The following SLC28A3 variants were observed in gnomAD, a reference collection of about 807,000 sequenced individuals.
SLC28A3 encodes the protein concentrative Na(+)-nucleoside cotransporter 3.
Under a neutral mutation model 84.2 loss-of-function variants are expected in SLC28A3, and 68 were observed. The ratio of observed to expected loss-of-function variants is 0.81; its 90% CI spans 0.66 to 0.99. SLC28A3 has a LOEUF of 0.99. Among genes scored for constraint, SLC28A3 ranks in the 50% least tolerant of loss-of-function variants. The pLI is 0.00. For synonymous variants in SLC28A3, 267 were observed against 303.6 expected, an observed-to-expected ratio of 0.88 and a Z score of 1.25; for missense variants, 712 against 841.5, an observed-to-expected ratio of 0.85 and a Z score of 1.90.
At chr9:84,302,677 C>T (rs1465575510) in intron 4 of SLC28A3, among the ~76,000 whole-genome samples, 1 of 152,066 alleles carries the variant, frequency 6.6e-6, no homozygotes, top group African/African-American at 2.4e-5. Context: ...ATCATTGGGC[C>T]TCTAAGTACT....
At chr9:84,322,796 C>T (rs1333761987) in intron 1 of SLC28A3, among the ~76,000 whole-genome samples, 1 of 151,902 alleles carries the variant, frequency 6.6e-6, no homozygotes, top group African/African-American at 2.4e-5. Context: ...CCAAGATTGT[C>T]CACTGCACTC....
At chr9:84,315,019 G>A (rs1826121858) in intron 1 of SLC28A3, among the ~76,000 whole-genome samples, 1 of 152,172 alleles carries the variant, frequency 6.6e-6, no homozygotes, top group Non-Finnish European at 1.5e-5. Flanking sequence ...AGAGGTTGCA[G>A]TGAGCTGAGA....
intron 1 of SLC28A3, among the ~76,000 whole-genome samples, chr9:84,317,532 C>A (rs566220888): frequency 1.3e-5 from 2 of 152,276 alleles, no homozygotes; most frequent in African/African-American, 4.8e-5. Context: ...TCAGCCTCTC[C>A]CTGGCACTGT....
chr9:84,346,661 A>G, the SLC28A3 span, among the ~76,000 whole-genome samples: 2 of 152,226 alleles, frequency 1.3e-5, no homozygotes, highest in Non-Finnish European at 2.9e-5. Context: ...GAAAAAGGAA[A>G]GCAATGAAAA....
rs1825920444 is a variant in SLC28A3, at chr9:84,309,630, C to G, written c.241G>C (p.Gly81Arg). Reference sequence around the variant, plus strand: ...ATTTCCCTGTTTTAAAGACTGTACCCTTTTTGTTGCATCTCCTCATCATCA... The same window carrying G: ...ATTTCCCTGTTTTAAAGACTGTACCGTTTTTGTTGCATCTCCTCATCATCA... ...EDDDEEMQQKGCLERRYDTVC... is the reference protein window; with the variant it reads ...EDDDEEMQQKRCLERRYDTVC... The change falls in exon 3 of 18, where the codon GGG becomes CGG. Residue 81 changes from glycine to arginine, a missense_variant and splice_region_variant. Transcript: ENST00000376238. 1 of 1,612,084 alleles carries G rather than the reference C, an allele frequency of 6.2e-7. No homozygotes were observed. Among genetic ancestry groups the G allele is most frequent in the Non-Finnish European group, 8.5e-7 (1 of 1,179,084 alleles).
chr9:84,303,089 C>T (rs983950217), intron 4 of SLC28A3, among the ~76,000 whole-genome samples: 2 of 152,100 alleles, frequency 1.3e-5, no homozygotes, highest in Admixed American at 1.3e-4. Context: ...CTGAACCGAG[C>T]CTGTCTTGGC....
rs770526260 is a variant in SLC28A3, at chr9:84,299,557, C to T, written c.669+24G>A. The T allele has an allele frequency of 8.7e-6, 14 of 1,612,412 alleles. No homozygotes were observed. The Admixed American group carries it at 2.2e-4, about 25-fold the overall frequency. On this transcript the variant is annotated intron_variant, in intron 6 of 17. Transcript: ENST00000376238. Reference sequence around the variant, plus strand: ...CATGGGGAGAAAAAGAAAAAAGAACCTAAAAGATCAACTGGATACTTACTC... The same window carrying T: ...CATGGGGAGAAAAAGAAAAAAGAACTTAAAAGATCAACTGGATACTTACTC...
chr9:84,290,771 A>G (rs1357258642), intron 10 of SLC28A3, among the ~76,000 whole-genome samples: 3 of 152,116 alleles, frequency 2.0e-5, no homozygotes, highest in African/African-American at 7.2e-5. Flanking sequence ...CTGTCTTCCA[A>G]CTTCACCTTG....
chr9:84,277,386 G>A lies in SLC28A3; in HGVS notation c.*832C>T, dbSNP rs1588550020. On this transcript the variant is annotated 3_prime_UTR_variant, in exon 18 of 18. Coordinates refer to ENST00000376238, the MANE Select transcript of SLC28A3 (RefSeq NM_001199633.2). ...GCTAATGGAATGTCATGGAAGTAAA[G>A]GGTATCATTTCCTAGCGGAAGATGA... 6.6e-6 allele frequency: 1 copy of A among 152,264 alleles called. No homozygotes were observed. The highest frequency in any genetic ancestry group is 1.9e-4 in the East Asian group (1 of 5,202). 9.4% of individuals were successfully genotyped at this position (152,264 alleles called of 1,614,324 possible). A position where few individuals can be genotyped will look rare whatever the true frequency, so the allele number is the denominator to read the frequency against.
rs11568395 is a variant in SLC28A3 at position 84,286,143 on chromosome 9, C to T, written c.1281-32G>A. ...CAAGAAATAGCAATTCCAGAATTAC[C>T]AAGGAGTTGTCAGGGGATGGACACC... On this transcript the variant is annotated intron_variant, in intron 12 of 17. Coordinates refer to ENST00000376238, the MANE Select transcript of SLC28A3 (RefSeq NM_001199633.2). 1,724 of 1,605,264 alleles carry T rather than the reference C, an allele frequency of 1.1e-3. 12 individuals are homozygous for T. The African/African-American group carries it at 0.021, about 19-fold the overall frequency.
chr9:84,355,486 C>T, the SLC28A3 span, among the ~76,000 whole-genome samples: 12,025 of 152,186 alleles, frequency 0.079, 622 homozygotes, highest in East Asian at 0.18. Context: ...CAACAATTTA[C>T]TATACATGGG....
intron 1 of SLC28A3, among the ~76,000 whole-genome samples, chr9:84,320,414 T>A (rs1826336941): frequency 6.6e-6 from 1 of 152,056 alleles, no homozygotes; most frequent in Non-Finnish European, 1.5e-5. Flanking sequence ...GATTTCCATG[T>A]CCCTAAATTC....
intron 1 of SLC28A3, among the ~76,000 whole-genome samples, chr9:84,321,992 G>A (rs1826397041): frequency 6.6e-6 from 1 of 152,214 alleles, no homozygotes; most frequent in South Asian, 2.1e-4. Flanking sequence ...AGAGGTTGCA[G>A]TGACTTGAGA....
intron 1 of SLC28A3, among the ~76,000 whole-genome samples, chr9:84,330,383 G>T (rs757409991): frequency 1.2e-4 from 19 of 152,272 alleles, no homozygotes; most frequent in East Asian, 9.6e-4. Flanking sequence ...TGGTGGTCAG[G>T]TCCTTAAAGA....
chr9:84,347,227 A>AAAAAG, the SLC28A3 span, among the ~76,000 whole-genome samples: 37 of 131,814 alleles, frequency 2.8e-4, 1 homozygote, highest in African/African-American at 1.1e-3. Context: ...AAAAAAAAAA[A>AAAAAG]AAGGGAAGAA....
At chr9:84,301,826 G>T (rs1345759670) in intron 5 of SLC28A3, among the ~76,000 whole-genome samples, 4 of 152,140 alleles carry the variant, frequency 2.6e-5, no homozygotes, top group Admixed American at 6.5e-5. Context: ...AAGCCATCCT[G>T]CTATGACAAA....
chr9:84,299,525 A>G (rs1382309030), intron 6 of SLC28A3, 56 bp downstream of exon 6: 14 of 1,603,146 alleles, frequency 8.7e-6, no homozygotes, highest in Admixed American at 1.7e-5. Flanking sequence ...ATTTTGAGCA[A>G]TTTACACATG....
intron 16 of SLC28A3, 100 bp downstream of exon 16, chr9:84,279,875 G>C (rs1824671536): frequency 3.6e-6 from 4 of 1,105,410 alleles, no homozygotes; most frequent in Non-Finnish European, 5.2e-6. Flanking sequence ...TCAGCTTTCT[G>C]TGGCAGCGTG....
chr9:84,350,528 G>A, the SLC28A3 span, among the ~76,000 whole-genome samples: 2 of 151,904 alleles, frequency 1.3e-5, no homozygotes, highest in Non-Finnish European at 2.9e-5. Flanking sequence ...CCTCTATAGG[G>A]CACTTACCAT....
Sources: gnomAD v4.1 joint callset for allele counts (sites outside exome capture counted in the v4.1 genomes callset) on GRCh38, gnomAD v4.1.1 for gene constraint, MANE v1.5 for transcripts, NCBI Gene and HGNC (gene_info 2026-07-23, HGNC 2026-07-21) for gene names.